Variants in RNF150 observed in about 807,000 individuals in gnomAD.
RNF150 encodes the protein ring finger protein 150.
RNF150 carries 24 observed loss-of-function variants against 39.3 expected under a neutral mutation model. The ratio of observed to expected loss-of-function variants is 0.61; its 90% confidence interval spans 0.44 to 0.86. RNF150 has a LOEUF of 0.86. Among genes scored for constraint, RNF150 ranks in the 40% least tolerant of loss-of-function variants. The pLI is 0.00. For synonymous variants in RNF150, 255 were observed against 227.3 expected, an observed-to-expected ratio of 1.12 and a Z score of -1.10; for missense variants, 502 against 587.8, an observed-to-expected ratio of 0.85 and a Z score of 1.51.
chr4:141,015,650 A>G (rs1238193533), intron 1 of RNF150, among the ~76,000 whole-genome samples: 1 of 152,022 alleles, frequency 6.6e-6, no homozygotes, highest in Non-Finnish European at 1.5e-5. Context: ...ACAATTTTTC[A>G]TGGAGTCTTT....
chr4:141,162,544 T>C (rs750556992), intron 1 of RNF150, among the ~76,000 whole-genome samples: 2 of 152,084 alleles, frequency 1.3e-5, no homozygotes, highest in Non-Finnish European at 2.9e-5. Flanking sequence ...AGCTCCTGTC[T>C]GCAGCTCCCA....
intron 2 of RNF150, among the ~76,000 whole-genome samples, chr4:140,955,168 G>A (rs1406241024): frequency 6.6e-6 from 1 of 152,168 alleles, no homozygotes; most frequent in Admixed American, 6.5e-5. Context: ...TATGATAGAA[G>A]TCATAGCACA....
chr4:141,172,345 A>G (rs890335946), intron 1 of RNF150, among the ~76,000 whole-genome samples: 1 of 152,172 alleles, frequency 6.6e-6, no homozygotes, highest in Non-Finnish European at 1.5e-5. Flanking sequence ...AGCCAAAGGA[A>G]GGCGCACAGC....
rs116796463 is a variant in RNF150, at chr4:141,200,610, C to T, written c.-6+12184G>A. On this transcript the variant is annotated intron_variant, in intron 1 of 7. Coordinates refer to the RNF150 transcript ENST00000420921. ...TAATTGCCTCCCAAAGACTCCACCT[C>T]CTAATACTATCACATTGGGAATTAG... Among the ~76,000 whole-genome samples, 579 of 152,264 alleles carry T rather than the reference C, an allele frequency of 3.8e-3. 5 individuals carry two copies. Among genetic ancestry groups the T allele is most frequent in the African/African-American group, 0.014 (563 of 41,542 alleles).
chr4:141,044,783 G>A (rs13104443), intron 1 of RNF150, among the ~76,000 whole-genome samples: 110,021 of 148,786 alleles, frequency 0.74, 40,812 homozygotes, highest in Non-Finnish European at 0.82. Context: ...ACACACACAC[G>A]CACACACACA....
chr4:140,868,362 C>A lies in RNF150; in HGVS notation c.1216G>T (p.Val406Leu), dbSNP rs1306278142. ...AAGGAAATGTCAGAATCACTGCTTACAGCTGGCTCCTGCTCACCTGGGAGG... is the reference window on the plus strand; with the variant it reads ...AAGGAAATGTCAGAATCACTGCTTAAAGCTGGCTCCTGCTCACCTGGGAGG... ...FTTNSEQEPA[V>L]SSDSDISLIM... is the part of the protein sequence containing the mutation. Residue 406 changes from valine (V) to leucine (L), a missense_variant, in exon 7 of 7, where the codon GTA becomes TTA. Val to Leu is a conservative substitution (Grantham distance 32). Coordinates refer to ENST00000515673, the MANE Select transcript of RNF150 (RefSeq NM_020724.2). The A allele has an allele frequency of 6.2e-7, 1 of 1,611,010 alleles. No individual in the cohort carries two copies. Among genetic ancestry groups the A allele is most frequent in the Admixed American group, 1.7e-5 (1 of 60,008 alleles).
intron 1 of RNF150, among the ~76,000 whole-genome samples, chr4:140,973,197 T>C (rs1278282867): frequency 1.3e-5 from 2 of 152,148 alleles, no homozygotes; most frequent in Non-Finnish European, 2.9e-5. Context: ...TTGTCAATTA[T>C]ACATCAGTAA....
At chr4:141,111,010 A>T (rs1310772730) in intron 1 of RNF150, among the ~76,000 whole-genome samples, 2 of 152,098 alleles carry the variant, frequency 1.3e-5, no homozygotes, top group African/African-American at 4.8e-5. Flanking sequence ...CCCATCTAGG[A>T]GGGGGTTATC....
chr4:140,927,857 C>T (rs568901563), intron 4 of RNF150, among the ~76,000 whole-genome samples: 5 of 151,838 alleles, frequency 3.3e-5, no homozygotes, highest in South Asian at 2.1e-4. Flanking sequence ...CCATGTTGGC[C>T]GGGCTGGTCC....
Position 140,947,877 on chromosome 4 carries a change from C to T in RNF150, c.808-141G>A, listed in dbSNP as rs533245485. The T allele has an allele frequency of 2.9e-5, 16 of 555,782 alleles. No individual in the cohort carries two copies. In the East Asian group the frequency reaches 5.1e-4, roughly 18 times the overall value. 34.4% of individuals were successfully genotyped at this position (555,782 alleles called of 1,614,324 possible). A position where few individuals can be genotyped will look rare whatever the true frequency, so the allele number is the denominator to read the frequency against. On this transcript the variant is annotated intron_variant, in intron 3 of 6. Coordinates refer to ENST00000515673, the MANE Select transcript of RNF150 (RefSeq NM_020724.2). ...CCAGTTTTTAAATCAAATGTACCAT[C>T]AATTGGACTAGTTTCCATTCCTTCC...
intron 2 of RNF150, among the ~76,000 whole-genome samples, chr4:140,951,755 T>C (rs1341726862): frequency 6.6e-6 from 1 of 152,140 alleles, no homozygotes; most frequent in Non-Finnish European, 1.5e-5. Context: ...AAAGGGCTAC[T>C]AGTTATTGGG....
chr4:141,184,867 C>CTG (rs61134992), intron 1 of RNF150, among the ~76,000 whole-genome samples: 3,393 of 148,054 alleles, frequency 0.023, 48 homozygotes, highest in East Asian at 0.045. Flanking sequence ...GTCTATATAT[C>CTG]TGTGTGTGTG....
At chr4:141,119,883 A>T (rs1184469098) in intron 1 of RNF150, among the ~76,000 whole-genome samples, 1 of 152,246 alleles carries the variant, frequency 6.6e-6, no homozygotes, top group East Asian at 1.9e-4. Flanking sequence ...AGCTCTGCTA[A>T]GCACAAGATA....
intron 1 of RNF150, among the ~76,000 whole-genome samples, chr4:141,186,181 G>A (rs535981014): frequency 1.8e-4 from 27 of 152,106 alleles, no homozygotes; most frequent in Non-Finnish European, 4.0e-4. Context: ...TTGGTTGGTA[G>A]GCTATTTATT....
At chr4:141,040,331 T>C (rs1560704203) in intron 1 of RNF150, among the ~76,000 whole-genome samples, 1 of 152,120 alleles carries the variant, frequency 6.6e-6, no homozygotes, top group Non-Finnish European at 1.5e-5. Flanking sequence ...CATAAACACA[T>C]ATTTGGTCAA....
At chr4:141,041,167 C>T in intron 1 of RNF150, among the ~76,000 whole-genome samples, 1 of 152,110 alleles carries the variant, frequency 6.6e-6, no homozygotes, top group East Asian at 1.9e-4. Context: ...CCTTGAGATA[C>T]ACAAAGCCTA....
At chr4:140,877,601 C>T (rs992161979) in intron 6 of RNF150, among the ~76,000 whole-genome samples, 1 of 152,218 alleles carries the variant, frequency 6.6e-6, no homozygotes, top group African/African-American at 2.4e-5. Flanking sequence ...GTACACAGCA[C>T]TGCTGATGAG....
At chr4:141,124,633 AG>A (rs1415688008) in intron 1 of RNF150, among the ~76,000 whole-genome samples, 4 of 152,200 alleles carry the variant, frequency 2.6e-5, no homozygotes, top group Non-Finnish European at 5.9e-5. Flanking sequence ...AAAGAGAAAA[AG>A]GGGGAAACAA....
chr4:141,000,039 A>G (rs11727884), intron 1 of RNF150, among the ~76,000 whole-genome samples: 1,330 of 62,206 alleles, frequency 0.021, 174 homozygotes, highest in African/African-American at 0.035. Flanking sequence ...GAAGAAGAAG[A>G]AGAAGAAGAA....
Sources: gnomAD v4.1 joint callset for allele counts (sites outside exome capture counted in the v4.1 genomes callset) on GRCh38, gnomAD v4.1.1 for gene constraint, MANE v1.5 for transcripts, NCBI Gene and HGNC (gene_info 2026-07-23, HGNC 2026-07-21) for gene names.